The following CCZ1 variants were observed in gnomAD, a reference collection of about 807,000 sequenced individuals.
The protein encoded by CCZ1 is vacuolar fusion protein CCZ1 homolog.
In CCZ1, 19 loss-of-function variants were observed where a neutral mutation model predicts 57.8. That is an observed-to-expected ratio of 0.33 (90% CI 0.23 to 0.48). The LOEUF is 0.48. CCZ1 is among the 20% of genes least tolerant of loss of function. CCZ1 has a pLI of 0.99. For synonymous variants in CCZ1, 81 were observed against 167.0 expected, an observed-to-expected ratio of 0.49 and a Z score of 3.97; for missense variants, 200 against 492.0, an observed-to-expected ratio of 0.41 and a Z score of 5.61.
chr7:5,899,038 C>T (rs1473047489), intron 1 of CCZ1, 119 bp downstream of exon 1: 27 of 182,438 alleles, frequency 1.5e-4, no homozygotes, highest in Non-Finnish European at 1.4e-4. Flanking sequence ...GGTGCGAGTC[C>T]GGGCAGGGGG....
chr7:5,906,834 G>A lies in CCZ1; in HGVS notation c.698+1565G>A, dbSNP rs979643482. Reference sequence around the variant, plus strand: ...GTTTCCACATGAACTTTATCTCCTAGGAAGACAACAGAAATTTCGGGTGAA... The same window carrying A: ...GTTTCCACATGAACTTTATCTCCTAAGAAGACAACAGAAATTTCGGGTGAA... On this transcript the variant is annotated intron_variant, in intron 7 of 14. Transcript: ENST00000325974. 1.3e-4 allele frequency among the ~76,000 whole-genome samples: 20 copies of A among 150,734 alleles called. 4 individuals carry two copies. The highest frequency in any genetic ancestry group is 4.9e-4 in the African/African-American group (20 of 40,462).
intron 10 of CCZ1, among the ~76,000 whole-genome samples, 163 bp downstream of exon 10, chr7:5,913,117 G>C (rs1451979493): frequency 6.7e-6 from 1 of 148,216 alleles, no homozygotes; most frequent in Admixed American, 6.7e-5. Flanking sequence ...AGCGTAATAA[G>C]TTTATTTTCA....
intron 7 of CCZ1, among the ~76,000 whole-genome samples, chr7:5,909,747 C>T (rs1239382042): frequency 4.1e-5 from 6 of 145,266 alleles, no homozygotes; most frequent in African/African-American, 1.5e-4. Context: ...GAGTTTTATC[C>T]AGGGCTTCAA....
chr7:5,908,153 G>C (rs1448513859), intron 7 of CCZ1, among the ~76,000 whole-genome samples: 1 of 143,568 alleles, frequency 7.0e-6, no homozygotes, highest in Non-Finnish European at 1.5e-5. Flanking sequence ...TTATTCCAAA[G>C]CTGTTATATT....
intron 7 of CCZ1, among the ~76,000 whole-genome samples, chr7:5,909,757 A>G (rs1781924972): frequency 6.8e-6 from 1 of 147,370 alleles, no homozygotes; most frequent in Non-Finnish European, 1.5e-5. Context: ...CAGGGCTTCA[A>G]ATTCTTTGGA....
chr7:5,911,157 G>A (rs112575928), intron 8 of CCZ1, among the ~76,000 whole-genome samples: 28 of 149,252 alleles, frequency 1.9e-4, no homozygotes, highest in African/African-American at 6.4e-4. Context: ...AGATGTTTTA[G>A]TGCCTACCCG....
chr7:5,901,719 C>G lies in CCZ1; in HGVS notation c.438+15C>G, dbSNP rs781574778. On this transcript the variant is annotated intron_variant, in intron 5 of 14. Transcript: ENST00000325974. Reference sequence around the variant, plus strand: ...GCATGTACAAGGTAAGCGTGGCGTTCTTTCTCAACTCAGAGTCCAGCCACT... The same window carrying G: ...GCATGTACAAGGTAAGCGTGGCGTTGTTTCTCAACTCAGAGTCCAGCCACT... 1.3e-6 allele frequency: 2 copies of G among 1,598,196 alleles called. No individual in the cohort carries two copies. The highest frequency in any genetic ancestry group is 1.7e-5 in the Admixed American group (1 of 59,412).
intron 10 of CCZ1, among the ~76,000 whole-genome samples, 198 bp downstream of exon 10, chr7:5,913,152 T>C (rs1436442837): frequency 6.8e-6 from 1 of 147,580 alleles, no homozygotes; most frequent in Non-Finnish European, 1.5e-5. Flanking sequence ...GTTTTGTTAT[T>C]AGTGAAAGAG....
intron 10 of CCZ1, among the ~76,000 whole-genome samples, chr7:5,914,478 A>G (rs1779109430): frequency 6.7e-6 from 1 of 148,762 alleles, no homozygotes; most frequent in South Asian, 2.2e-4. Flanking sequence ...CCAGCACCAG[A>G]CATTATGTGA....
intron 7 of CCZ1, among the ~76,000 whole-genome samples, chr7:5,908,715 C>G (rs1459404915): frequency 6.9e-6 from 1 of 144,660 alleles, no homozygotes; most frequent in Non-Finnish European, 1.5e-5. Context: ...GAATAGAAAA[C>G]GCCCAGATCC....
chr7:5,904,016 C>T (rs1267138509), intron 6 of CCZ1, among the ~76,000 whole-genome samples: 8 of 141,488 alleles, frequency 5.7e-5, no homozygotes, highest in South Asian at 2.5e-4. Flanking sequence ...AAAGATGGCA[C>T]TCTCTGTAGT....
At chr7:5,913,538 G>A (rs2128613303) in intron 10 of CCZ1, among the ~76,000 whole-genome samples, 1 of 149,784 alleles carries the variant, frequency 6.7e-6, no homozygotes, top group Admixed American at 6.7e-5. Context: ...ACAGGAAGGA[G>A]CGGGATGTGT....
intron 7 of CCZ1, 60 bp from the exon 8 acceptor site, chr7:5,909,975 G>C: frequency 6.8e-7 from 1 of 1,463,814 alleles, no homozygotes; most frequent in Non-Finnish European, 9.4e-7. Context: ...CTTTATCACA[G>C]CAGTGGAAAG....
rs1005138475 is a variant in CCZ1, at chr7:5,922,491, TCAGGCCCCATC to T, written c.1107-886_1107-876del. Among the ~76,000 whole-genome samples the T allele has an allele frequency of 5.8e-5, 7 of 121,434 alleles. No individual in the cohort carries two copies. In the East Asian group the frequency reaches 7.0e-4, roughly 12 times the overall value. The allele number at this position is 121,434 out of a possible 152,430, so 79.7% of individuals were successfully genotyped here. On this transcript the variant is annotated intron_variant, in intron 12 of 14. Transcript: ENST00000325974. ...TCTGAGCCCAGGGGCGGGGCTGTGC[TCAGGCCCCATC>T]CAGGCCCCAGGGTGGACACTGAGGG...
chr7:5,909,928 T>C (rs1267086682), intron 7 of CCZ1, 107 bp from the exon 8 acceptor site: 38 of 800,526 alleles, frequency 4.7e-5, no homozygotes, highest in Non-Finnish European at 7.1e-5. Context: ...TCTGTGTTAC[T>C]AAAAATGACT....
intron 10 of CCZ1, among the ~76,000 whole-genome samples, chr7:5,914,830 T>A (rs1183749624): frequency 2.1e-5 from 3 of 142,042 alleles, no homozygotes; most frequent in African/African-American, 8.0e-5. Flanking sequence ...GAGCTGAGCT[T>A]ACGCCACTGT....
At chr7:5,916,643 G>A (rs1433708796) in intron 10 of CCZ1, among the ~76,000 whole-genome samples, 1 of 147,956 alleles carries the variant, frequency 6.8e-6, no homozygotes, top group Non-Finnish European at 1.5e-5. Context: ...TGTCTCTATG[G>A]AGTGTTGACA....
chr7:5,900,075 G>T (rs1781648322), intron 1 of CCZ1, among the ~76,000 whole-genome samples: 1 of 151,254 alleles, frequency 6.6e-6, no homozygotes, highest in South Asian at 2.1e-4. Context: ...GTGTTGCCAT[G>T]CTGGTCTTGA....
chr7:5,911,172 T>C (rs1781970629), intron 8 of CCZ1, among the ~76,000 whole-genome samples: 1 of 149,268 alleles, frequency 6.7e-6, no homozygotes, highest in Non-Finnish European at 1.5e-5. Flanking sequence ...TACCCGGCTT[T>C]CCACTCTAGT....
Sources: gnomAD v4.1 joint callset for allele counts (sites outside exome capture counted in the v4.1 genomes callset) on GRCh38, gnomAD v4.1.1 for gene constraint, MANE v1.5 for transcripts, NCBI Gene and HGNC (gene_info 2026-07-23, HGNC 2026-07-21) for gene names.